Variants in GPC6 observed in about 807,000 individuals in gnomAD.
GPC6 encodes the protein glypican 6.
A neutral mutation model predicts 55.2 loss-of-function variants in GPC6; 14 were observed. That is an observed-to-expected ratio of 0.25 (90% CI 0.17 to 0.40). The LOEUF is 0.40. Ranked by LOEUF, GPC6 falls within the 10% of genes least tolerant of loss-of-function variation. The probability of loss-of-function intolerance (pLI) is 1.00; values close to 1 mark genes in which losing one functional copy is unlikely to be tolerated. For missense variants in GPC6, 641 were observed against 708.5 expected (o/e 0.90, Z 1.08); for synonymous variants, 278 against 259.6 (o/e 1.07, Z -0.68).
chr13:93,532,303 C>T (rs1054161330), intron 1 of GPC6, among the ~76,000 whole-genome samples: 1 of 152,002 alleles, frequency 6.6e-6, no homozygotes, highest in African/African-American at 2.4e-5. Context: ...CTGAGAAATA[C>T]AATGAATCTC....
At chr13:94,152,656 TA>T (rs5805852) in intron 4 of GPC6, among the ~76,000 whole-genome samples, 85 of 149,248 alleles carry the variant, frequency 5.7e-4, no homozygotes, top group African/African-American at 9.5e-4. Flanking sequence ...AAGCCTACTT[TA>T]AAAAAAAAAA....
chr13:93,429,385 G>A (rs905213664), intron 1 of GPC6, among the ~76,000 whole-genome samples: 4 of 152,074 alleles, frequency 2.6e-5, no homozygotes, highest in African/African-American at 7.2e-5. Context: ...TGAAAACTTG[G>A]CATTCGTAGC....
intron 4 of GPC6, among the ~76,000 whole-genome samples, chr13:94,131,914 A>T (rs899171877): frequency 6.6e-6 from 1 of 152,240 alleles, no homozygotes; most frequent in Non-Finnish European, 1.5e-5. Flanking sequence ...AAAGGATTTC[A>T]TAGTCAAATA....
At chr13:94,005,151 G>A (rs1881964899) in intron 3 of GPC6, among the ~76,000 whole-genome samples, 1 of 152,134 alleles carries the variant, frequency 6.6e-6, no homozygotes, top group African/African-American at 2.4e-5. Context: ...AATAAATTGG[G>A]ATTGAAGGAG....
At chr13:93,452,232 C>T (rs1878255046) in intron 1 of GPC6, among the ~76,000 whole-genome samples, 1 of 152,156 alleles carries the variant, frequency 6.6e-6, no homozygotes, top group Admixed American at 6.6e-5. Flanking sequence ...AGTAGCATCT[C>T]ATACTATTTT....
chr13:94,382,341 G>A, intron 6 of GPC6, 73 bp from the exon 7 acceptor site: 1 of 1,521,234 alleles, frequency 6.6e-7, no homozygotes, highest in Non-Finnish European at 9.1e-7. Context: ...ACCCTCGCCT[G>A]CGTACGTCCT....
At chr13:94,048,728 A>AG (rs1235844773) in intron 4 of GPC6, among the ~76,000 whole-genome samples, 11 of 152,064 alleles carry the variant, frequency 7.2e-5, no homozygotes, top group African/African-American at 2.7e-4. Flanking sequence ...GGTGTGCAGC[A>AG]GATTGCAGGG....
intron 2 of GPC6, among the ~76,000 whole-genome samples, chr13:93,614,222 A>G (rs1878620920): frequency 6.6e-6 from 1 of 152,138 alleles, no homozygotes; most frequent in African/African-American, 2.4e-5. Flanking sequence ...TTACTCCTCA[A>G]AAAAAATTTT....
intron 2 of GPC6, among the ~76,000 whole-genome samples, chr13:93,771,412 T>C (rs1319964111): frequency 6.6e-6 from 1 of 152,152 alleles, no homozygotes; most frequent in Admixed American, 6.5e-5. Context: ...GCTGCTTTTT[T>C]GGCTTCATCT....
At chr13:93,423,038 A>G (rs567386596) in intron 1 of GPC6, among the ~76,000 whole-genome samples, 33 of 134,994 alleles carry the variant, frequency 2.4e-4, no homozygotes, top group Admixed American at 2.0e-3. Flanking sequence ...AGAAACAGAC[A>G]TGGTGGTCAC....
intron 1 of GPC6, among the ~76,000 whole-genome samples, chr13:93,376,809 A>G (rs541237324): frequency 6.6e-6 from 1 of 150,858 alleles, no homozygotes; most frequent in East Asian, 2.0e-4. Flanking sequence ...GTCTCAATAA[A>G]TGATATATAT....
At chr13:93,571,539 G>A (rs1054139574) in intron 2 of GPC6, among the ~76,000 whole-genome samples, 23 of 152,252 alleles carry the variant, frequency 1.5e-4, no homozygotes, top group African/African-American at 5.1e-4. Context: ...GTTTCAAGAT[G>A]TGATATTGTA....
chr13:93,352,273 T>C (rs923069538), intron 1 of GPC6, among the ~76,000 whole-genome samples: 1 of 152,210 alleles, frequency 6.6e-6, no homozygotes, highest in Non-Finnish European at 1.5e-5. Flanking sequence ...AAAGAATGCA[T>C]GCATTAGTAT....
intron 1 of GPC6, among the ~76,000 whole-genome samples, chr13:93,240,060 A>G (rs762968780): frequency 1.3e-5 from 2 of 152,196 alleles, no homozygotes; most frequent in African/African-American, 2.4e-5. Flanking sequence ...TGTATGGTCT[A>G]TCTTGGAAAC....
intron 4 of GPC6, among the ~76,000 whole-genome samples, chr13:94,265,901 A>T (rs1301018577): frequency 6.6e-6 from 1 of 152,208 alleles, no homozygotes; most frequent in Non-Finnish European, 1.5e-5. Flanking sequence ...AAGAATGCTG[A>T]AAAACATATC....
intron 4 of GPC6, among the ~76,000 whole-genome samples, chr13:94,230,712 A>G (rs1030859306): frequency 6.6e-6 from 1 of 152,138 alleles, no homozygotes; most frequent in African/African-American, 2.4e-5. Flanking sequence ...TGTTGCAAAA[A>G]ATGTACCTAA....
At chr13:93,574,567 C>T (rs1015135700) in intron 2 of GPC6, among the ~76,000 whole-genome samples, 2 of 152,042 alleles carry the variant, frequency 1.3e-5, no homozygotes, top group Non-Finnish European at 2.9e-5. Context: ...GTTACATCAG[C>T]CCTAGGAAAC....
rs1421154897 is a variant in GPC6, at chr13:93,713,772, A to G, written c.320-116382A>G. On this transcript the variant is annotated intron_variant, in intron 2 of 8. Transcript: ENST00000377047. The stretch of plus-strand genomic sequence containing the variant: ...AAACTTCATGTAACTACAGCAGTTT[A>G]TGATATTTTTATATCAGCAACACTT... 1.3e-5 allele frequency among the ~76,000 whole-genome samples: 2 copies of G among 151,722 alleles called. 1 individual carries two copies. Among genetic ancestry groups the G allele is most frequent in the Middle Eastern group, 6.3e-3 (2 of 316 alleles).
chr13:93,842,591 A>G (rs1241098364), intron 3 of GPC6, among the ~76,000 whole-genome samples: 1 of 152,020 alleles, frequency 6.6e-6, no homozygotes, highest in Non-Finnish European at 1.5e-5. Flanking sequence ...TTCCCTCTTG[A>G]TTGCTTGTGT....
Sources: gnomAD v4.1 joint callset for allele counts (sites outside exome capture counted in the v4.1 genomes callset) on GRCh38, gnomAD v4.1.1 for gene constraint, MANE v1.5 for transcripts, NCBI Gene and HGNC (gene_info 2026-07-23, HGNC 2026-07-21) for gene names.